The following MARK1 variants were observed in gnomAD, a reference collection of about 807,000 sequenced individuals.
The protein encoded by MARK1 is serine/threonine-protein kinase MARK1.
MARK1 carries 40 observed loss-of-function variants against 96.3 expected under a neutral mutation model. The ratio of observed to expected loss-of-function variants is 0.42; its 90% CI spans 0.32 to 0.54. The LOEUF (loss-of-function observed/expected upper bound fraction) is 0.54, where lower values mean the gene tolerates loss of function less well. MARK1 is among the 20% of genes least tolerant of loss of function. MARK1 has a pLI of 0.16. For synonymous variants in MARK1, 317 were observed against 341.2 expected (o/e 0.93, Z 0.78); for missense variants, 719 against 984.6 (o/e 0.73, Z 3.61).
rs898129233 is a variant in MARK1, at chr1:220,663,034, C to G, written c.*868C>G. ...CCTTCAGAATACCGCAATTTAATTGCGGGAATATAATAATATTGGGACTGT... is the reference window on the plus strand; with the variant it reads ...CCTTCAGAATACCGCAATTTAATTGGGGGAATATAATAATATTGGGACTGT... On this transcript the variant is annotated 3_prime_UTR_variant, in exon 18 of 18. Coordinates refer to ENST00000366917, the MANE Select transcript of MARK1 (RefSeq NM_018650.5). The G allele has an allele frequency of 6.6e-6, 1 of 152,536 alleles. No homozygotes were observed. Among genetic ancestry groups the G allele is most frequent in the African/African-American group, 2.4e-5 (1 of 41,402 alleles). 9.4% of individuals were successfully genotyped at this position (152,536 alleles called of 1,614,324 possible).
intron 13 of MARK1, among the ~76,000 whole-genome samples, chr1:220,647,026 A>T (rs1028437578): frequency 3.3e-5 from 5 of 152,244 alleles, no homozygotes; most frequent in African/African-American, 9.6e-5. Flanking sequence ...GCCAAAAGGA[A>T]TTGCAACAAA....
In MARK1 at chr1:220,581,067, T is replaced by G; in HGVS notation, c.258T>G (p.Val86=). 1 of 1,276,740 alleles carries G rather than the reference T, an allele frequency of 7.8e-7. No individual in the cohort carries two copies. The highest frequency in any genetic ancestry group is 2.2e-5 in the South Asian group (1 of 46,468). The allele number at this position is 1,276,740 out of a possible 1,614,324, so 79.1% of individuals were successfully genotyped here. Residue 86 remains valine, a splice_region_variant and synonymous_variant, in exon 3 of 18, where the codon GTT becomes GTG. Coordinates refer to ENST00000366917, the MANE Select transcript of MARK1 (RefSeq NM_018650.5). ...GTTTAATGATTCTTCTTTTTTAGGT[T>G]GCTGTGAAAATAATAGACAAAACTC... is the stretch of plus-strand genomic sequence containing the variant. ...LARHVLTGRE[V]AVKIIDKTQL... is the part of the protein sequence containing the mutation.
At chr1:220,564,237 T>C (rs966152573) in intron 1 of MARK1, among the ~76,000 whole-genome samples, 1 of 152,198 alleles carries the variant, frequency 6.6e-6, no homozygotes, top group Non-Finnish European at 1.5e-5. Flanking sequence ...GTGTCTTGGA[T>C]TGAAACAGTA....
chr1:220,586,011 A>ACACACACGCACGCGCGCGCGCG (rs112968910), intron 3 of MARK1, among the ~76,000 whole-genome samples: 1 of 148,536 alleles, frequency 6.7e-6, no homozygotes, highest in Non-Finnish European at 1.5e-5. Context: ...ACACACACAC[A>ACACACACGCACGCGCGCGCGCG]CGCGCGCGTG....
chr1:220,563,400 A>G (rs1288427746), intron 1 of MARK1, among the ~76,000 whole-genome samples: 1 of 152,174 alleles, frequency 6.6e-6, no homozygotes, highest in Admixed American at 6.5e-5. Flanking sequence ...CCATTTACTC[A>G]GCGTTACTGA....
At chr1:220,600,599 T>G (rs1180683506) in intron 5 of MARK1, among the ~76,000 whole-genome samples, 1 of 152,168 alleles carries the variant, frequency 6.6e-6, no homozygotes, top group African/African-American at 2.4e-5. Context: ...GGTTGAAAAT[T>G]TATGGAATTA....
chr1:220,628,465 C>G (rs1667473405), intron 9 of MARK1, among the ~76,000 whole-genome samples: 1 of 152,196 alleles, frequency 6.6e-6, no homozygotes. Context: ...TTGCTAAACA[C>G]AAGGGGCTAC....
chr1:220,599,791 T>A lies in MARK1; in HGVS notation c.359-7T>A. The A allele has an allele frequency of 6.4e-7, 1 of 1,554,012 alleles. No homozygotes were observed. The highest frequency in any genetic ancestry group is 8.9e-7 in the Non-Finnish European group (1 of 1,127,982). On this transcript the variant is annotated splice_polypyrimidine_tract_variant and splice_region_variant and intron_variant, in intron 4 of 17. Coordinates refer to ENST00000366917, the MANE Select transcript of MARK1 (RefSeq NM_018650.5). The stretch of plus-strand genomic sequence containing the variant: ...GTTATAGAGTTATATCTCTAATTTT[T>A]TTTCAGTAAAATTGTTTGAAGTTAT...
At position 220,635,965 on chromosome 1, in the gene MARK1, G is replaced by A. The variant is rs1194344275; in HGVS notation, c.1409G>A (p.Ser470Asn). ...KLGSTTVGSK[S>N]EMTASPLVGP... ...GGCAGCACAACAGTTGGATCAAAAAGCGAGATGACTGCAAGCCCTCTTGTA... is the reference window on the plus strand; with the variant it reads ...GGCAGCACAACAGTTGGATCAAAAAACGAGATGACTGCAAGCCCTCTTGTA... Residue 470 changes from serine (S) to asparagine (N), a missense_variant, in exon 13 of 18, where the codon AGC (serine) becomes AAC (asparagine). Ser to Asn is a conservative substitution (Grantham distance 46). Around this residue, in one of 4 missense-constraint regions of MARK1, gnomAD observed 501 missense variants for 588.3 expected, o/e 0.85. Transcript: ENST00000366917. 3 of 1,614,072 alleles carry A rather than the reference G, an allele frequency of 1.9e-6. No individual in the cohort carries two copies. Among genetic ancestry groups the A allele is most frequent in the Admixed American group, 1.7e-5 (1 of 59,968 alleles).
At chr1:220,574,229 C>G (rs544338371) in intron 1 of MARK1, among the ~76,000 whole-genome samples, 1 of 152,196 alleles carries the variant, frequency 6.6e-6, no homozygotes, top group African/African-American at 2.4e-5. Flanking sequence ...TTTGGCTTGA[C>G]TCAAACTTCA....
At chr1:220,540,120 C>T (rs1661029784) in intron 1 of MARK1, among the ~76,000 whole-genome samples, 2 of 151,888 alleles carry the variant, frequency 1.3e-5, no homozygotes, top group African/African-American at 4.8e-5. Context: ...TTAGGGTTCT[C>T]CAGAGAAACA....
intron 13 of MARK1, 45 bp from the exon 14 acceptor site, chr1:220,650,575 A>G: frequency 7.8e-7 from 1 of 1,275,702 alleles, no homozygotes; most frequent in East Asian, 2.3e-5. Flanking sequence ...GGCTTTCCAC[A>G]AATATATTTA....
At chr1:220,587,749 A>G (rs1055347268) in intron 3 of MARK1, among the ~76,000 whole-genome samples, 2 of 152,090 alleles carry the variant, frequency 1.3e-5, no homozygotes, top group Non-Finnish European at 2.9e-5. Flanking sequence ...TTTCTCCTTA[A>G]TATACTATAT....
intron 1 of MARK1, among the ~76,000 whole-genome samples, chr1:220,553,471 ACATCAATGTAG>A (rs1662020983): frequency 3.3e-5 from 5 of 152,218 alleles, no homozygotes. Flanking sequence ...GTTGATTTAG[ACATCAATGTAG>A]CAGGGGAGCA....
At position 220,635,925 on chromosome 1, in the gene MARK1, G is replaced by T; in HGVS notation, c.1369G>T (p.Val457Leu). The change falls in exon 13 of 18, where the codon GTG (valine) becomes TTG (leucine). Residue 457 changes from valine to leucine, a missense_variant. Val to Leu is a conservative substitution (Grantham distance 32). This residue lies in a region of MARK1 where 501 missense variants were observed against 588.3 expected (regional missense o/e 0.85). Transcript: ENST00000366917. ...ACAGAAAGAGGAGTGGGACAAAGAT[G>T]TGGCTCGAAAACTTGGCAGCACAAC... ...SEQKEEWDKD[V>L]ARKLGSTTVG... is the part of the protein sequence containing the mutation. 6.2e-7 allele frequency: 1 copy of T among 1,614,110 alleles called. No homozygotes were observed. Among genetic ancestry groups the T allele is most frequent in the Non-Finnish European group, 8.5e-7 (1 of 1,180,018 alleles).
At chr1:220,539,168 C>T (rs1217212027) in intron 1 of MARK1, among the ~76,000 whole-genome samples, 1 of 149,504 alleles carries the variant, frequency 6.7e-6, no homozygotes, top group African/African-American at 2.5e-5. Context: ...GGAATGCTTC[C>T]AGTTTTTGCC....
At chr1:220,541,737 G>A (rs1351137230) in intron 1 of MARK1, among the ~76,000 whole-genome samples, 4 of 152,024 alleles carry the variant, frequency 2.6e-5, no homozygotes, top group East Asian at 1.9e-4. Flanking sequence ...CTCTCTTTTG[G>A]TTATTTCATC....
In MARK1 at chr1:220,592,040, T is replaced by G. The variant is rs73105429; in HGVS notation, c.310-6291T>G. On this transcript the variant is annotated intron_variant, in intron 3 of 17. Transcript: ENST00000366917. ...GTTTTGTCAAACAACAAACATGTAC[T>G]TCATTGGTTTATGTAAAATTTGTAT... 3.6e-3 allele frequency among the ~76,000 whole-genome samples: 552 copies of G among 152,024 alleles called. 5 individuals carry two copies. The highest frequency in any genetic ancestry group is 0.013 in the African/African-American group (521 of 41,490).
intron 4 of MARK1, among the ~76,000 whole-genome samples, chr1:220,599,563 A>G (rs1665600224): frequency 6.6e-6 from 1 of 152,206 alleles, no homozygotes; most frequent in East Asian, 1.9e-4. Flanking sequence ...TGACCTTTTA[A>G]TCCTAGAAAC....
Sources: allele counts gnomAD v4.1 joint callset (sites outside exome capture counted in the v4.1 genomes callset), GRCh38; gene constraint gnomAD v4.1.1; regional missense constraint gnomAD v4.1.1; transcripts MANE v1.5; gene names NCBI Gene and HGNC (gene_info 2026-07-23, HGNC 2026-07-21).